Variants in FIG4 observed in about 807,000 individuals in gnomAD.
The protein encoded by FIG4 is polyphosphoinositide phosphatase.
FIG4 carries 112 observed loss-of-function variants against 118.6 expected under a neutral mutation model. The observed-to-expected ratio is 0.94, with a 90% CI of 0.81 to 1.11. FIG4 has a LOEUF of 1.11. FIG4 is among the 50% of genes least tolerant of loss of function. FIG4 has a pLI of 0.00. For synonymous variants in FIG4, 369 were observed against 381.2 expected, an observed-to-expected ratio of 0.97 and a Z score of 0.37; for missense variants, 969 against 1,111.7, an observed-to-expected ratio of 0.87 and a Z score of 1.83.
chr6:109,783,891 C>T (rs1343091766), intron 16 of FIG4, among the ~76,000 whole-genome samples: 1 of 152,196 alleles, frequency 6.6e-6, no homozygotes, highest in Non-Finnish European at 1.5e-5. Flanking sequence ...AGGAACCTTT[C>T]CTGTTAGAAC....
intron 15 of FIG4, among the ~76,000 whole-genome samples, chr6:109,770,007 G>A (rs78518502): frequency 0.04 from 6,042 of 152,242 alleles, 170 homozygotes; most frequent in South Asian, 0.085. Flanking sequence ...CTGATGCTAT[G>A]GGGTCAACTC....
chr6:109,786,331 A>T lies in FIG4; in HGVS notation c.1978A>T (p.Ile660Leu), dbSNP rs1777954967. The T allele has an allele frequency of 1.9e-6, 3 of 1,613,428 alleles. No individual in the cohort carries two copies. The highest frequency in any genetic ancestry group is 1.1e-5 in the South Asian group (1 of 91,058). ...VICAVNLKKL[I>L]VKKFHKYEEE... is the part of the protein sequence containing the mutation. ...CTGTGCTGTGAACTTAAAGAAGTTG[A>T]TAGTGAAGAAATTCCACAAATATGA... Residue 660 changes from isoleucine (I) to leucine (L), a missense_variant, in exon 18 of 23, where the codon ATA becomes TTA. By Grantham distance (5) the Ile-to-Leu change is conservative. Transcript: ENST00000230124.
intron 10 of FIG4, among the ~76,000 whole-genome samples, chr6:109,752,289 C>A (rs984093723): frequency 1.3e-5 from 2 of 151,234 alleles, no homozygotes; most frequent in African/African-American, 4.9e-5. Context: ...AATAGTGCCA[C>A]AATAAACATA....
chr6:109,719,241 C>T (rs1362759594), intron 3 of FIG4, among the ~76,000 whole-genome samples: 1 of 152,092 alleles, frequency 6.6e-6, no homozygotes, highest in African/African-American at 2.4e-5. Flanking sequence ...ATAGGCATTT[C>T]ATAATGTGTA....
chr6:109,733,828 C>G (rs535328500), intron 5 of FIG4, among the ~76,000 whole-genome samples: 5 of 151,928 alleles, frequency 3.3e-5, no homozygotes, highest in East Asian at 1.9e-4. Flanking sequence ...TTAGAAATGG[C>G]CTTCTTCTTC....
rs1182340846 is a variant in FIG4, at chr6:109,785,783, G to T, written c.1949-519G>T. The T allele has an allele frequency of 1.1e-5, 5 of 453,142 alleles. No homozygotes were observed. The Admixed American group carries it at 1.2e-4, about 11-fold the overall frequency. 28.1% of individuals were successfully genotyped at this position (453,142 alleles called of 1,614,324 possible). A position where few individuals can be genotyped will look rare whatever the true frequency, so the allele number is the denominator to read the frequency against. The stretch of plus-strand genomic sequence containing the variant: ...GAAGGCCATAAAGTAAGATTACAAA[G>T]TATTTTTGGTTCTTATTAAGTTATA... On this transcript the variant is annotated intron_variant, in intron 17 of 22. Transcript: ENST00000230124.
At chr6:109,692,765 C>T (rs1309354711) in intron 1 of FIG4, among the ~76,000 whole-genome samples, 2 of 151,676 alleles carry the variant, frequency 1.3e-5, no homozygotes, top group Non-Finnish European at 2.9e-5. Context: ...GGTGCTATCT[C>T]GGCTCACTCA....
chr6:109,745,335 T>A (rs1583673912), intron 10 of FIG4, among the ~76,000 whole-genome samples: 1 of 152,374 alleles, frequency 6.6e-6, no homozygotes, highest in East Asian at 1.9e-4. Context: ...ATCGCCGTTC[T>A]AACTGGCATG....
chr6:109,824,810 G>T (rs945455221), intron 22 of FIG4, among the ~76,000 whole-genome samples: 1 of 152,300 alleles, frequency 6.6e-6, no homozygotes, highest in Non-Finnish European at 1.5e-5. Context: ...ACAGATGGGT[G>T]TGCAGACGTG....
At chr6:109,696,920 A>G (rs1392441826) in intron 1 of FIG4, among the ~76,000 whole-genome samples, 1 of 152,162 alleles carries the variant, frequency 6.6e-6, no homozygotes, top group African/African-American at 2.4e-5. Context: ...GAAATTATAG[A>G]TGTTTGAGGT....
intron 12 of FIG4, among the ~76,000 whole-genome samples, chr6:109,763,390 C>T (rs764832120): frequency 8.1e-6 from 1 of 122,774 alleles, no homozygotes; most frequent in Non-Finnish European, 1.7e-5. Context: ...AAAATATTAA[C>T]ATCATCTATA....
At chr6:109,707,518 C>T (rs1775124449) in intron 1 of FIG4, among the ~76,000 whole-genome samples, 1 of 150,950 alleles carries the variant, frequency 6.6e-6, no homozygotes. Context: ...AAAGTTAAAA[C>T]AGTATATCCA....
At chr6:109,807,072 G>A (rs933355423) in intron 22 of FIG4, among the ~76,000 whole-genome samples, 9 of 152,184 alleles carry the variant, frequency 5.9e-5, no homozygotes, top group Non-Finnish European at 1.0e-4. Context: ...ATAAACATAT[G>A]TGTGCATGTG....
Position 109,743,195 on chromosome 6 carries a change from A to G in FIG4, c.962A>G (p.Tyr321Cys). Residue 321 changes from tyrosine (Y) to cysteine (C), a missense_variant, in exon 9 of 23, where the codon TAT becomes TGT. Physicochemically the swap from Tyr to Cys is radical, Grantham distance 194. Around this residue, in one of 3 missense-constraint regions of FIG4, gnomAD observed 393 missense variants for 409.4 expected, o/e 0.96. Transcript: ENST00000230124. Reference sequence around the variant, plus strand: ...TTCACTGCAGGAAGTTATTCTTCATATGTACAAGTTAGAGGATCTGTGCCC... The same window carrying G: ...TTCACTGCAGGAAGTTATTCTTCATGTGTACAAGTTAGAGGATCTGTGCCC... ...MSFTAGSYSS[Y>C]VQVRGSVPLY... 6.2e-7 allele frequency: 1 copy of G among 1,613,032 alleles called. No individual in the cohort carries two copies.
At chr6:109,734,392 T>C (rs990108670) in intron 5 of FIG4, among the ~76,000 whole-genome samples, 1 of 150,694 alleles carries the variant, frequency 6.6e-6, no homozygotes, top group African/African-American at 2.4e-5. Flanking sequence ...GTATAGTATA[T>C]ATACACAACT....
At chr6:109,691,637 T>A in intron 1 of FIG4, 136 bp downstream of exon 1, 1 of 854,156 alleles carries the variant, frequency 1.2e-6, no homozygotes. Context: ...AACACAGCCT[T>A]GGGGTAAGCT....
intron 10 of FIG4, among the ~76,000 whole-genome samples, chr6:109,747,603 G>A (rs2128387843): frequency 6.6e-6 from 1 of 152,166 alleles, no homozygotes; most frequent in South Asian, 2.1e-4. Flanking sequence ...CCCCCAATAG[G>A]AGTACCCAGT....
At chr6:109,801,677 C>G (rs1778432568) in intron 22 of FIG4, among the ~76,000 whole-genome samples, 1 of 152,146 alleles carries the variant, frequency 6.6e-6, no homozygotes. Context: ...GGGCTTCTAC[C>G]AGGGGAAGTG....
rs541970930 is a variant in FIG4, at chr6:109,748,577, A to G, written c.1137+4805A>G. Among the ~76,000 whole-genome samples the G allele has an allele frequency of 7.9e-5, 12 of 152,252 alleles. No individual in the cohort carries two copies. The South Asian group carries it at 1.0e-3, about 13-fold the overall frequency. ...AGTGGGAATGGGGATTTAGAATGGA[A>G]AAGGAGGTGGAGATACTGAAAGTCA... On this transcript the variant is annotated intron_variant, in intron 10 of 22. Coordinates refer to ENST00000230124, the MANE Select transcript of FIG4 (RefSeq NM_014845.6).
Sources: gnomAD v4.1 joint callset for allele counts (sites outside exome capture counted in the v4.1 genomes callset) on GRCh38, gnomAD v4.1.1 for gene constraint, gnomAD v4.1.1 regional missense constraint, MANE v1.5 for transcripts, NCBI Gene and HGNC (gene_info 2026-07-23, HGNC 2026-07-21) for gene names.